The following LSAMP variants were observed in gnomAD, a reference collection of about 807,000 sequenced individuals.
The protein encoded by LSAMP is limbic system-associated membrane protein.
A neutral mutation model predicts 38.6 loss-of-function variants in LSAMP; 7 were observed. The observed-to-expected ratio is 0.18, with a 90% CI of 0.10 to 0.34. LSAMP has a LOEUF of 0.34. LSAMP is among the 10% of genes least tolerant of loss of function. The pLI is 1.00. For missense variants in LSAMP, 313 were observed against 420.0 expected, an observed-to-expected ratio of 0.75 and a Z score of 2.23; for synonymous variants, 154 against 166.8, an observed-to-expected ratio of 0.92 and a Z score of 0.59.
intron 1 of LSAMP, among the ~76,000 whole-genome samples, chr3:116,160,995 C>G (rs1359662692): frequency 6.6e-6 from 1 of 152,136 alleles, no homozygotes; most frequent in Non-Finnish European, 1.5e-5. Context: ...ATGTGCTATT[C>G]AATGAGATAG....
intron 6 of LSAMP, among the ~76,000 whole-genome samples, chr3:115,829,378 G>A (rs17711100): frequency 0.016 from 2,500 of 152,202 alleles, 26 homozygotes; most frequent in Non-Finnish European, 0.026. Context: ...CCATAAACGA[G>A]CCAGGGAATT....
At chr3:115,826,176 G>A (rs935561816) in intron 6 of LSAMP, among the ~76,000 whole-genome samples, 11 of 151,802 alleles carry the variant, frequency 7.2e-5, no homozygotes, top group African/African-American at 2.7e-4. Flanking sequence ...GTGCAGTGGC[G>A]CAATCTTGGC....
chr3:116,170,254 T>C (rs2107551678), intron 1 of LSAMP, among the ~76,000 whole-genome samples: 1 of 151,086 alleles, frequency 6.6e-6, no homozygotes. Flanking sequence ...ACAATGCCTA[T>C]CAATTGCCTT....
chr3:116,179,380 AC>A (rs1290024612), intron 1 of LSAMP, among the ~76,000 whole-genome samples: 1 of 152,132 alleles, frequency 6.6e-6, no homozygotes, highest in Non-Finnish European at 1.5e-5. Context: ...TGATGGTTGC[AC>A]ATCAGAGGAT....
intron 1 of LSAMP, among the ~76,000 whole-genome samples, chr3:116,398,829 T>G (rs2048803879): frequency 6.6e-6 from 1 of 152,208 alleles, no homozygotes; most frequent in African/African-American, 2.4e-5. Flanking sequence ...GGCAGTCTTG[T>G]GAGGCAGAAA....
chr3:115,942,123 C>T (rs1049356193), intron 3 of LSAMP, among the ~76,000 whole-genome samples: 4 of 151,558 alleles, frequency 2.6e-5, no homozygotes, highest in African/African-American at 9.7e-5. Flanking sequence ...GGCTAGTTGG[C>T]TAGTTAATAA....
At chr3:116,048,491 T>C (rs1941334920) in intron 2 of LSAMP, among the ~76,000 whole-genome samples, 1 of 152,220 alleles carries the variant, frequency 6.6e-6, no homozygotes, top group Admixed American at 6.5e-5. Context: ...ATAGTGTGAC[T>C]TAGCTATGGA....
intron 1 of LSAMP, among the ~76,000 whole-genome samples, chr3:116,296,925 C>A (rs2047342719): frequency 1.3e-5 from 2 of 151,982 alleles, no homozygotes; most frequent in African/African-American, 4.8e-5. Flanking sequence ...AATGACAAGC[C>A]CCAGATCATA....
At chr3:116,342,874 A>C (rs2048015405) in intron 1 of LSAMP, among the ~76,000 whole-genome samples, 1 of 152,060 alleles carries the variant, frequency 6.6e-6, no homozygotes, top group Non-Finnish European at 1.5e-5. Flanking sequence ...ACTTTCTATG[A>C]CTCTATAATT....
chr3:115,948,265 T>A (rs1284423756), intron 3 of LSAMP, among the ~76,000 whole-genome samples: 1 of 152,210 alleles, frequency 6.6e-6, no homozygotes. Context: ...GCCTCCCTTC[T>A]TCTCTATTTA....
At chr3:116,287,067 A>G (rs1369119383) in intron 1 of LSAMP, among the ~76,000 whole-genome samples, 1 of 152,094 alleles carries the variant, frequency 6.6e-6, no homozygotes, top group Non-Finnish European at 1.5e-5. Context: ...TATAGCAAGA[A>G]TTGGATGAAG....
chr3:115,994,430 T>A (rs1939759259), intron 3 of LSAMP, among the ~76,000 whole-genome samples: 1 of 152,188 alleles, frequency 6.6e-6, no homozygotes, highest in East Asian at 1.9e-4. Context: ...GAGAAGTGGG[T>A]CATATCAGTT....
At chr3:116,305,472 GTCTC>G (rs1424512202) in intron 1 of LSAMP, among the ~76,000 whole-genome samples, 1 of 151,770 alleles carries the variant, frequency 6.6e-6, no homozygotes, top group Non-Finnish European at 1.5e-5. Context: ...ACAACCTCTA[GTCTC>G]ATTTTCCATT....
intron 1 of LSAMP, among the ~76,000 whole-genome samples, chr3:116,199,115 A>G (rs1348376423): frequency 6.6e-6 from 1 of 152,046 alleles, no homozygotes; most frequent in Non-Finnish European, 1.5e-5. Context: ...AAATAAAAAT[A>G]GAAAATCAGA....
At chr3:116,392,517 G>A (rs1025980989) in intron 1 of LSAMP, among the ~76,000 whole-genome samples, 1 of 152,266 alleles carries the variant, frequency 6.6e-6, no homozygotes, top group Non-Finnish European at 1.5e-5. Flanking sequence ...ACAAGCACAG[G>A]AGAGAGGCTG....
intron 1 of LSAMP, among the ~76,000 whole-genome samples, chr3:116,146,431 C>T (rs1361785484): frequency 6.6e-6 from 1 of 151,900 alleles, no homozygotes; most frequent in Admixed American, 6.6e-5. Context: ...GGCTTAGCAG[C>T]TGCTATTACT....
chr3:116,009,243 A>T (rs1182655036), intron 3 of LSAMP, among the ~76,000 whole-genome samples: 1 of 152,142 alleles, frequency 6.6e-6, no homozygotes, highest in Non-Finnish European at 1.5e-5. Flanking sequence ...ATCCTGGATG[A>T]TGCTCAAACT....
At chr3:116,011,465 A>C (rs773265605) in intron 3 of LSAMP, among the ~76,000 whole-genome samples, 2 of 152,172 alleles carry the variant, frequency 1.3e-5, no homozygotes, top group Non-Finnish European at 1.5e-5. Context: ...GTATAATTTC[A>C]AGAGTGTTCC....
At chr3:116,311,726 T>A (rs1017950058) in intron 1 of LSAMP, among the ~76,000 whole-genome samples, 1 of 152,134 alleles carries the variant, frequency 6.6e-6, no homozygotes, top group African/African-American at 2.4e-5. Flanking sequence ...TAAGGGTTTG[T>A]TGTACAATTT....
Sources: gnomAD v4.1 joint callset for allele counts (sites outside exome capture counted in the v4.1 genomes callset) on GRCh38, gnomAD v4.1.1 for gene constraint, MANE v1.5 for transcripts, NCBI Gene and HGNC (gene_info 2026-07-23, HGNC 2026-07-21) for gene names.